The following FBXO4 variants were observed in gnomAD, a reference collection of about 807,000 sequenced individuals.
The protein encoded by FBXO4 is F-box protein 4.
FBXO4 carries 36 observed loss-of-function variants against 43.7 expected under a neutral mutation model. That is an observed-to-expected ratio of 0.82 (90% CI 0.63 to 1.09). The LOEUF (loss-of-function observed/expected upper bound fraction) is 1.09. Ranked by LOEUF, FBXO4 falls within the 50% of genes least tolerant of loss-of-function variation. The probability of loss-of-function intolerance (pLI) is 0.00; values close to 1 mark genes in which losing one functional copy is unlikely to be tolerated. For missense variants in FBXO4, 435 were observed against 474.1 expected (o/e 0.92, Z 0.77); for synonymous variants, 180 against 165.6 (o/e 1.09, Z -0.67).
At chr5:41,957,110 A>C in the FBXO4 span, among the ~76,000 whole-genome samples, 1 of 152,122 alleles carries the variant, frequency 6.6e-6, no homozygotes, top group African/African-American at 2.4e-5. Context: ...TACTATTACT[A>C]GATTTCATTC....
chr5:41,926,037 C>G (rs1751484432), intron 1 of FBXO4, among the ~76,000 whole-genome samples: 1 of 152,116 alleles, frequency 6.6e-6, no homozygotes, highest in African/African-American at 2.4e-5. Context: ...TTACAAGTGC[C>G]TCAAGTTACA....
the FBXO4 span, among the ~76,000 whole-genome samples, chr5:41,971,205 G>GGTGTGTGTGTGTGT: frequency 4.1e-5 from 6 of 147,368 alleles, no homozygotes; most frequent in South Asian, 6.5e-4. Context: ...ACTAGAGAGA[G>GGTGTGTGTGTGTGT]GTGTGTGTGT....
the FBXO4 span, among the ~76,000 whole-genome samples, chr5:42,010,635 G>A: frequency 2.0e-5 from 3 of 151,908 alleles, no homozygotes; most frequent in East Asian, 5.8e-4. Context: ...TTTGGTTATT[G>A]TAAATAATGG....
At chr5:41,979,148 A>G in the FBXO4 span, among the ~76,000 whole-genome samples, 3 of 152,022 alleles carry the variant, frequency 2.0e-5, no homozygotes, top group Non-Finnish European at 4.4e-5. Flanking sequence ...GTGGCCCACT[A>G]CTCTCAAGGT....
downstream of FBXO4, among the ~76,000 whole-genome samples, chr5:41,943,570 A>G (rs908405044): frequency 9.9e-5 from 15 of 152,118 alleles, no homozygotes; most frequent in East Asian, 1.7e-3. Flanking sequence ...GGGTTTTTCA[A>G]TGTCACTCTC....
chr5:41,985,160 T>C, the FBXO4 span, among the ~76,000 whole-genome samples: 1 of 152,186 alleles, frequency 6.6e-6, no homozygotes, highest in Non-Finnish European at 1.5e-5. Flanking sequence ...TATCGTCAAA[T>C]CAGAGTATAC....
chr5:41,932,849 G>A (rs1751732337), intron 3 of FBXO4, among the ~76,000 whole-genome samples: 1 of 152,156 alleles, frequency 6.6e-6, no homozygotes, highest in African/African-American at 2.4e-5. Context: ...GCCCAGAAGG[G>A]TCTTTTGAGG....
At chr5:41,991,071 GA>G in the FBXO4 span, among the ~76,000 whole-genome samples, 1 of 152,266 alleles carries the variant, frequency 6.6e-6, no homozygotes, top group East Asian at 1.9e-4. Flanking sequence ...CATCCTGGGT[GA>G]GTCAACATTC....
chr5:41,927,961 T>G (rs1751558399), intron 2 of FBXO4, among the ~76,000 whole-genome samples: 1 of 152,222 alleles, frequency 6.6e-6, no homozygotes, highest in Non-Finnish European at 1.5e-5. Context: ...GAAACTCAAA[T>G]TTAACGCATT....
chr5:41,961,766 T>A, the FBXO4 span, among the ~76,000 whole-genome samples: 1 of 152,130 alleles, frequency 6.6e-6, no homozygotes, highest in Non-Finnish European at 1.5e-5. Flanking sequence ...GTCAGCTTCT[T>A]GGGTGGTGGA....
the FBXO4 span, among the ~76,000 whole-genome samples, chr5:41,970,276 T>C: frequency 1.3e-5 from 2 of 152,082 alleles, no homozygotes; most frequent in Admixed American, 6.5e-5. Context: ...TCATAGATTG[T>C]ATATATCTTT....
chr5:42,017,185 C>A, the FBXO4 span, among the ~76,000 whole-genome samples: 1 of 151,536 alleles, frequency 6.6e-6, no homozygotes, highest in Non-Finnish European at 1.5e-5. Flanking sequence ...TAAATAGTAA[C>A]AACAAAATGT....
At chr5:41,982,165 T>G in the FBXO4 span, among the ~76,000 whole-genome samples, 1 of 152,290 alleles carries the variant, frequency 6.6e-6, no homozygotes, top group South Asian at 2.1e-4. Flanking sequence ...GACATTTGGG[T>G]TGGTTCCAAG....
chr5:42,033,941 A>G, the FBXO4 span, among the ~76,000 whole-genome samples: 2 of 152,202 alleles, frequency 1.3e-5, no homozygotes. Flanking sequence ...ACCACACTGT[A>G]TTCAGCAATG....
At position 41,941,376 on chromosome 5, in the gene FBXO4, T is replaced by G; in HGVS notation, c.*95T>G. ...CTCAGTCAGCCCACCTTGTCCTGCCTTTTTGCAGATAGGCTTTCATTTGGA... is the reference window on the plus strand; with the variant it reads ...CTCAGTCAGCCCACCTTGTCCTGCCGTTTTGCAGATAGGCTTTCATTTGGA... On this transcript the variant is annotated 3_prime_UTR_variant, in exon 7 of 7. Coordinates refer to ENST00000281623, the MANE Select transcript of FBXO4 (RefSeq NM_012176.3). 2.0e-6 allele frequency: 2 copies of G among 979,828 alleles called. No individual in the cohort carries two copies. The highest frequency in any genetic ancestry group is 2.7e-5 in the South Asian group (2 of 73,392). The allele number at this position is 979,828 out of a possible 1,614,324, so 60.7% of individuals were successfully genotyped here. A position where few individuals can be genotyped will look rare whatever the true frequency, so the allele number is the denominator to read the frequency against.
the FBXO4 span, among the ~76,000 whole-genome samples, chr5:42,036,044 T>C: frequency 2.0e-5 from 3 of 152,104 alleles, no homozygotes; most frequent in East Asian, 5.8e-4. Context: ...CTAGTATAAT[T>C]ATCAAAATAG....
the FBXO4 span, among the ~76,000 whole-genome samples, chr5:42,020,063 C>T: frequency 1.5e-3 from 228 of 151,962 alleles, no homozygotes; most frequent in African/African-American, 5.1e-3. Flanking sequence ...CTAAATCCTG[C>T]CAAAATAAAA....
chr5:42,036,776 A>G, the FBXO4 span, among the ~76,000 whole-genome samples: 7 of 152,150 alleles, frequency 4.6e-5, no homozygotes, highest in Non-Finnish European at 1.0e-4. Context: ...ACAAACTTGT[A>G]AATGACTTCC....
the FBXO4 span, among the ~76,000 whole-genome samples, chr5:42,038,797 C>T: frequency 6.6e-6 from 1 of 151,930 alleles, no homozygotes; most frequent in African/African-American, 2.4e-5. Flanking sequence ...TGGCAATCAT[C>T]ATTGCACTCT....
Sources: gnomAD v4.1 joint callset for allele counts (sites outside exome capture counted in the v4.1 genomes callset) on GRCh38, gnomAD v4.1.1 for gene constraint, MANE v1.5 for transcripts, NCBI Gene and HGNC (gene_info 2026-07-23, HGNC 2026-07-21) for gene names.